The following HDGFL3 variants were observed in gnomAD, a reference collection of about 807,000 sequenced individuals.
HDGFL3 encodes the protein HDGF like 3, also known as hepatoma-derived growth factor-related protein 3.
Under a neutral mutation model 27.6 loss-of-function variants are expected in HDGFL3, and 6 were observed. That is an observed-to-expected ratio of 0.22 (90% CI 0.12 to 0.43). HDGFL3 has a LOEUF of 0.43. HDGFL3 is among the 20% of genes least tolerant of loss of function. The pLI is 1.00. For synonymous variants in HDGFL3, 88 were observed against 88.9 expected, an observed-to-expected ratio of 0.99 and a Z score of 0.05; for missense variants, 207 against 250.1, an observed-to-expected ratio of 0.83 and a Z score of 1.16.
rs539501661 is a variant in HDGFL3, at chr15:83,149,831, T to C, written c.606+1384A>G. Among the ~76,000 whole-genome samples the C allele has an allele frequency of 2.9e-4, 44 of 152,260 alleles. No homozygotes were observed. The Middle Eastern group carries it at 0.01, about 35-fold the overall frequency. ...ATTAAGGGAGACCTTAGGCTGTTTATAGGCAGAGGGGAAGGAGCCAGTGGA... is the reference window on the plus strand; with the variant it reads ...ATTAAGGGAGACCTTAGGCTGTTTACAGGCAGAGGGGAAGGAGCCAGTGGA... On this transcript the variant is annotated intron_variant, in intron 5 of 5. Coordinates refer to ENST00000299633, the MANE Select transcript of HDGFL3 (RefSeq NM_016073.4).
intron 1 of HDGFL3, among the ~76,000 whole-genome samples, chr15:83,193,160 G>A (rs557224714): frequency 8.5e-5 from 13 of 152,238 alleles, no homozygotes; most frequent in African/African-American, 2.9e-4. Flanking sequence ...CCGTGCAATG[G>A]GAGAAAATTA....
chr15:83,150,777 T>C (rs1355879151), intron 5 of HDGFL3, among the ~76,000 whole-genome samples: 3 of 152,148 alleles, frequency 2.0e-5, no homozygotes, highest in African/African-American at 2.4e-5. Context: ...TATTCAAACA[T>C]TGCTTGCATA....
chr15:83,200,292 G>A (rs923948958), intron 1 of HDGFL3, among the ~76,000 whole-genome samples: 7 of 143,614 alleles, frequency 4.9e-5, no homozygotes, highest in Admixed American at 1.4e-4. Flanking sequence ...CGGAGATCCC[G>A]CCACTGCACT....
chr15:83,184,870 C>A (rs1198935341), intron 1 of HDGFL3: 1 of 152,290 alleles, frequency 6.6e-6, no homozygotes, highest in East Asian at 1.9e-4. Flanking sequence ...GTAACCATTA[C>A]CAGACTTGCA....
At position 83,134,430 on chromosome 15, in the gene HDGFL3, C is replaced by G. The variant is rs2036477231; in HGVS notation, c.*4840G>C. Reference sequence around the variant, plus strand: ...TAGAGATGGGGTTTCACTATGTTGGCCAGGCTCGTCTTGAACTCCTGACCT... The same window carrying G: ...TAGAGATGGGGTTTCACTATGTTGGGCAGGCTCGTCTTGAACTCCTGACCT... On this transcript the variant is annotated 3_prime_UTR_variant, in exon 6 of 6. Coordinates refer to ENST00000299633, the MANE Select transcript of HDGFL3 (RefSeq NM_016073.4). The G allele has an allele frequency of 6.6e-6, 1 of 152,186 alleles. No homozygotes were observed. Among genetic ancestry groups the G allele is most frequent in the African/African-American group, 2.4e-5 (1 of 41,432 alleles). 9.4% of individuals were successfully genotyped at this position (152,186 alleles called of 1,614,324 possible). A position where few individuals can be genotyped will look rare whatever the true frequency, so the allele number is the denominator to read the frequency against.
At chr15:83,199,727 A>G (rs1206542011) in intron 1 of HDGFL3, among the ~76,000 whole-genome samples, 1 of 152,100 alleles carries the variant, frequency 6.6e-6, no homozygotes, top group East Asian at 1.9e-4. Context: ...CAAATCCTGA[A>G]GCTCTGTGGA....
intron 1 of HDGFL3, among the ~76,000 whole-genome samples, chr15:83,206,470 T>C (rs2037717808): frequency 6.6e-6 from 1 of 152,250 alleles, no homozygotes; most frequent in African/African-American, 2.4e-5. Flanking sequence ...GTGTTGTGTG[T>C]CTTCCTCAAA....
chr15:83,124,695 A>T (rs1222622146), downstream of HDGFL3: 1 of 1,613,976 alleles, frequency 6.2e-7, no homozygotes, highest in Non-Finnish European at 8.5e-7. Flanking sequence ...CCCAAGCGAA[A>T]GACCTGCTGA....
intron 1 of HDGFL3, among the ~76,000 whole-genome samples, chr15:83,191,049 T>C (rs1163023118): frequency 3.3e-5 from 5 of 152,228 alleles, no homozygotes; most frequent in African/African-American, 9.6e-5. Flanking sequence ...CCCCTTGATC[T>C]TGAATTCCAT....
chr15:83,196,737 T>TA (rs1213200765), intron 1 of HDGFL3, among the ~76,000 whole-genome samples: 2 of 151,936 alleles, frequency 1.3e-5, no homozygotes, highest in Non-Finnish European at 2.9e-5. Flanking sequence ...AAAATAGAAT[T>TA]GATTAACAAA....
At chr15:83,119,755 C>A in intron 3 of HDGFL3, 1 of 1,598,828 alleles carries the variant, frequency 6.3e-7, no homozygotes, top group Non-Finnish European at 8.5e-7. Flanking sequence ...AAACGTTATG[C>A]ATAGAGGCAA....
Position 83,129,714 on chromosome 15 carries a change from G to A in HDGFL3, c.*9556C>T, listed in dbSNP as rs1266226500. 2 of 152,296 alleles carry A rather than the reference G, an allele frequency of 1.3e-5. No homozygotes were observed. The highest frequency in any genetic ancestry group is 2.9e-5 in the Non-Finnish European group (2 of 68,110). The allele number at this position is 152,296 out of a possible 1,614,324, so 9.4% of individuals were successfully genotyped here. A position where few individuals can be genotyped will look rare whatever the true frequency, so the allele number is the denominator to read the frequency against. ...ACTGTATGTAGTACGAGGTGCTGGA[G>A]AACCTTGTGGGTGGAAGGCAGTGAC... On this transcript the variant is annotated 3_prime_UTR_variant, in exon 6 of 6. Transcript: ENST00000299633.
chr15:83,157,526 A>G lies in HDGFL3; in HGVS notation c.348T>C (p.Asn116=), dbSNP rs1372759106. 4 of 1,613,738 alleles carry G rather than the reference A, an allele frequency of 2.5e-6. No homozygotes were observed. The Admixed American group carries it at 6.7e-5, about 27-fold the overall frequency. ...CTTCCTCACTGCTTGCATCTGCAGT[A>G]TTTCCACCTTCTCCCTCAGTTTCTG... ...SSSETEGEGG[N]TADASSEEEG... is the part of the protein sequence containing the mutation. The change falls in exon 4 of 6, where the codon AAT becomes AAC. Residue 116 remains asparagine, a synonymous_variant. Transcript: ENST00000299633.
intron 4 of HDGFL3, among the ~76,000 whole-genome samples, chr15:83,151,795 A>G (rs1379119688): frequency 6.6e-6 from 1 of 152,242 alleles, no homozygotes; most frequent in East Asian, 1.9e-4. Context: ...ACTATCCAAG[A>G]GAATATATAG....
Position 83,207,305 on chromosome 15 carries a change from G to A in HDGFL3, c.84+26C>T. The A allele has an allele frequency of 7.5e-7, 1 of 1,329,636 alleles. No homozygotes were observed. The highest frequency in any genetic ancestry group is 9.7e-7 in the Non-Finnish European group (1 of 1,031,598). The allele number at this position is 1,329,636 out of a possible 1,614,324, so 82.4% of individuals were successfully genotyped here. A position where few individuals can be genotyped will look rare whatever the true frequency, so the allele number is the denominator to read the frequency against. ...TGAAGGGGAAAATGGTGGGCGGGCG[G>A]GCCCGCGCGCGGCCGCGGTACTCAC... On this transcript the variant is annotated intron_variant, in intron 1 of 5. Transcript: ENST00000299633. This position sits in a 1 kb window ranked among gnomAD's most constrained non-coding sequence, Gnocchi z 4.8.
intron 5 of HDGFL3, among the ~76,000 whole-genome samples, chr15:83,145,090 CTTCT>C (rs1170086485): frequency 1.3e-5 from 2 of 151,858 alleles, no homozygotes; most frequent in Non-Finnish European, 2.9e-5. Context: ...GTAAAAATCT[CTTCT>C]TTCTTTCCCT....
chr15:83,172,385 C>A (rs2037256210), intron 1 of HDGFL3, among the ~76,000 whole-genome samples: 1 of 152,156 alleles, frequency 6.6e-6, no homozygotes, highest in South Asian at 2.1e-4. Flanking sequence ...GGGCACTCAC[C>A]TCCTGCACAG....
chr15:83,140,324 A>G (rs1230264011), intron 5 of HDGFL3, among the ~76,000 whole-genome samples: 1 of 152,110 alleles, frequency 6.6e-6, no homozygotes, highest in Non-Finnish European at 1.5e-5. Flanking sequence ...GAAATTTGTG[A>G]ACTTAAAAAA....
chr15:83,148,344 G>A (rs573689693), intron 5 of HDGFL3, among the ~76,000 whole-genome samples: 3 of 152,144 alleles, frequency 2.0e-5, no homozygotes, highest in South Asian at 2.1e-4. Context: ...AAAGCTGGCC[G>A]GGCACAGTGG....
Sources: gnomAD v4.1 joint callset for allele counts (sites outside exome capture counted in the v4.1 genomes callset) on GRCh38, gnomAD v4.1.1 for gene constraint, Gnocchi (gnomAD v3.1) non-coding constraint, MANE v1.5 for transcripts, NCBI Gene and HGNC (gene_info 2026-07-23, HGNC 2026-07-21) for gene names.